Variants in DPP10 observed in about 807,000 individuals in gnomAD.
DPP10 encodes dipeptidyl peptidase like 10, also known as inactive dipeptidyl peptidase 10.
DPP10 carries 33 observed loss-of-function variants against 120.9 expected under a neutral mutation model. That is an observed-to-expected ratio of 0.27 (90% CI 0.21 to 0.37). The LOEUF (loss-of-function observed/expected upper bound fraction) is 0.37, where lower values mean the gene tolerates loss of function less well. Among genes scored for constraint, DPP10 ranks in the 10% least tolerant of loss-of-function variants. The pLI is 1.00. For missense variants in DPP10, 816 were observed against 942.8 expected, an observed-to-expected ratio of 0.87 and a Z score of 1.76; for synonymous variants, 337 against 326.1, an observed-to-expected ratio of 1.03 and a Z score of -0.36.
intron 1 of DPP10, among the ~76,000 whole-genome samples, chr2:114,455,497 A>G (rs1678522244): frequency 6.6e-6 from 1 of 151,742 alleles, no homozygotes; most frequent in Non-Finnish European, 1.5e-5. Flanking sequence ...GTGAGCAGAG[A>G]TCATGCCACT....
chr2:115,258,569 A>G (rs1419013860), intron 1 of DPP10, among the ~76,000 whole-genome samples: 1 of 152,228 alleles, frequency 6.6e-6, no homozygotes, highest in Non-Finnish European at 1.5e-5. Flanking sequence ...AATTTGTAAT[A>G]ATAAATAAAC....
chr2:114,998,637 C>G (rs1401533048), intron 1 of DPP10, among the ~76,000 whole-genome samples: 1 of 152,112 alleles, frequency 6.6e-6, no homozygotes, highest in Non-Finnish European at 1.5e-5. Context: ...ACAGCTTACT[C>G]TAACTGAGTA....
At chr2:115,489,006 T>G (rs1558743731) in intron 3 of DPP10, among the ~76,000 whole-genome samples, 1 of 152,104 alleles carries the variant, frequency 6.6e-6, no homozygotes, top group East Asian at 1.9e-4. Flanking sequence ...AGTCTTTTAG[T>G]TACATTGCAA....
chr2:115,673,047 C>T (rs2090028397), intron 5 of DPP10, among the ~76,000 whole-genome samples: 1 of 152,110 alleles, frequency 6.6e-6, no homozygotes, highest in Non-Finnish European at 1.5e-5. Context: ...CTGCGCCCGA[C>T]TATCATGGCT....
chr2:115,264,859 GT>G (rs2059396785), intron 1 of DPP10, among the ~76,000 whole-genome samples: 1 of 152,132 alleles, frequency 6.6e-6, no homozygotes, highest in African/African-American at 2.4e-5. Flanking sequence ...TGGGTACCAA[GT>G]TTTGGGCTAT....
intron 8 of DPP10, among the ~76,000 whole-genome samples, chr2:115,739,454 C>G (rs1411838628): frequency 1.3e-5 from 2 of 152,006 alleles, no homozygotes; most frequent in East Asian, 1.9e-4. Context: ...AATCACCGTT[C>G]TCATTCTGAT....
Position 115,184,189 on chromosome 2 carries a change from TG to T in DPP10, c.61-125047del, listed in dbSNP as rs1406667353. Among the ~76,000 whole-genome samples, 4 of 152,288 alleles carry T rather than the reference TG, an allele frequency of 2.6e-5. No individual in the cohort carries two copies. The East Asian group carries it at 7.7e-4, about 29-fold the overall frequency. On this transcript the variant is annotated intron_variant, in intron 1 of 25. Coordinates refer to ENST00000410059, the MANE Select transcript of DPP10 (RefSeq NM_020868.6). ...TAGGGCCTGATCCTGTGGGAGATTATGGGTCAGAATAAAAACAGTTAGTATT... is the reference window on the plus strand; with the variant it reads ...TAGGGCCTGATCCTGTGGGAGATTATGGTCAGAATAAAAACAGTTAGTATT...
chr2:115,216,685 G>A (rs1002313880), intron 1 of DPP10, among the ~76,000 whole-genome samples: 23 of 151,982 alleles, frequency 1.5e-4, no homozygotes, highest in East Asian at 1.2e-3. Context: ...TCAGGAGGTT[G>A]AAGCAGGAAA....
chr2:114,810,489 G>A (rs1375918379), intron 1 of DPP10, among the ~76,000 whole-genome samples: 2 of 152,162 alleles, frequency 1.3e-5, no homozygotes, highest in African/African-American at 4.8e-5. Flanking sequence ...GGCCAAATTT[G>A]CAAGCCACTG....
At chr2:115,424,114 A>G (rs1307505294) in intron 3 of DPP10, among the ~76,000 whole-genome samples, 1 of 152,168 alleles carries the variant, frequency 6.6e-6, no homozygotes. Context: ...TAATCAAGTA[A>G]TAAGACATTA....
rs570226399 is a variant in DPP10, at chr2:115,215,831, T to A, written c.61-93408T>A. Among the ~76,000 whole-genome samples, 5 of 152,316 alleles carry A rather than the reference T, an allele frequency of 3.3e-5. No individual in the cohort carries two copies. In the South Asian group the frequency reaches 1.0e-3, roughly 32 times the overall value. On this transcript the variant is annotated intron_variant, in intron 1 of 25. Coordinates refer to ENST00000410059, the MANE Select transcript of DPP10 (RefSeq NM_020868.6). ...GTATCTACCCCCACAGAACTAATCA[T>A]GGTATCAAAAACACCTCCATTCATA...
intron 11 of DPP10, among the ~76,000 whole-genome samples, chr2:115,756,560 TAAAG>T (rs1330765550): frequency 6.6e-6 from 1 of 151,994 alleles, no homozygotes; most frequent in East Asian, 1.9e-4. Flanking sequence ...AAGATAAAAA[TAAAG>T]AATGAATTAA....
At chr2:115,550,967 T>C (rs1479150059) in intron 5 of DPP10, among the ~76,000 whole-genome samples, 1 of 152,250 alleles carries the variant, frequency 6.6e-6, no homozygotes, top group East Asian at 1.9e-4. Context: ...TATAATTTAT[T>C]GTCAATATTT....
At chr2:114,719,444 G>C (rs1443724096) in intron 1 of DPP10, among the ~76,000 whole-genome samples, 1 of 152,146 alleles carries the variant, frequency 6.6e-6, no homozygotes, top group Non-Finnish European at 1.5e-5. Context: ...TGCTTCTGCA[G>C]GAGTAGTGTT....
At chr2:115,600,558 A>C (rs2083259635) in intron 5 of DPP10, among the ~76,000 whole-genome samples, 1 of 152,202 alleles carries the variant, frequency 6.6e-6, no homozygotes, top group Non-Finnish European at 1.5e-5. Context: ...CTATTTTTGC[A>C]CATCTTTGGG....
intron 5 of DPP10, among the ~76,000 whole-genome samples, chr2:115,612,050 T>G (rs1289240780): frequency 6.6e-6 from 1 of 152,198 alleles, no homozygotes; most frequent in African/African-American, 2.4e-5. Context: ...TGAGATATAT[T>G]ACAATATGGA....
At chr2:115,485,431 ATTTT>A (rs1558737854) in intron 3 of DPP10, among the ~76,000 whole-genome samples, 1 of 152,024 alleles carries the variant, frequency 6.6e-6, no homozygotes, top group East Asian at 1.9e-4. Context: ...ATTTTCATAT[ATTTT>A]ATATTCGTGC....
chr2:115,768,254 C>A lies in DPP10; in HGVS notation c.1114-43C>A, dbSNP rs746940176. ...TAACAGTAGTAGGCAGCACAGATTG[C>A]ATGTGCCTTTCTGAGATTGTTCTGT... On this transcript the variant is annotated intron_variant, in intron 12 of 25. Transcript: ENST00000410059. 1.8e-5 allele frequency: 28 copies of A among 1,549,790 alleles called. No homozygotes were observed. The South Asian group carries it at 3.0e-4, about 17-fold the overall frequency.
intron 1 of DPP10, among the ~76,000 whole-genome samples, chr2:114,798,894 C>T (rs576002918): frequency 2.6e-5 from 4 of 152,148 alleles, no homozygotes; most frequent in African/African-American, 4.8e-5. Flanking sequence ...TTTGGGAGGC[C>T]GAGGAGGGTG....
Sources: gnomAD v4.1 joint callset for allele counts (sites outside exome capture counted in the v4.1 genomes callset) on GRCh38, gnomAD v4.1.1 for gene constraint, MANE v1.5 for transcripts, NCBI Gene and HGNC (gene_info 2026-07-23, HGNC 2026-07-21) for gene names.